SLC12A3: variants seen among roughly 807,000 people sequenced by gnomAD.
SLC12A3 encodes solute carrier family 12 member 3, also known as Na-Cl cotransporter.
In SLC12A3, 104 loss-of-function variants were observed where a neutral mutation model predicts 121.0. That is an observed-to-expected ratio of 0.86 (90% confidence interval 0.73 to 1.01). The LOEUF is 1.01. SLC12A3 is among the 50% of genes least tolerant of loss of function. The pLI, the probability that SLC12A3 is intolerant of heterozygous loss-of-function variation, is 0.00. For missense variants in SLC12A3, 1,328 were observed against 1,356.3 expected, an observed-to-expected ratio of 0.98 and a Z score of 0.33; for synonymous variants, 536 against 533.4, an observed-to-expected ratio of 1.00 and a Z score of -0.07.
At chr16:56,894,300 C>T (rs555524653) in intron 21 of SLC12A3, among the ~76,000 whole-genome samples, 36 of 152,118 alleles carry the variant, frequency 2.4e-4, no homozygotes, top group Non-Finnish European at 4.4e-4. Context: ...CCATGGCGCC[C>T]GGCCGCCAGC....
At chr16:56,902,346 G>A (rs772292813) in intron 23 of SLC12A3, 27 bp from the exon 24 acceptor site, 43 of 1,613,822 alleles carry the variant, frequency 2.7e-5, no homozygotes, top group East Asian at 8.9e-5. Context: ...CGTCTCAGCC[G>A]GCCTCAACCC....
chr16:56,881,125 T>A (rs2055234535), intron 12 of SLC12A3, among the ~76,000 whole-genome samples: 1 of 152,214 alleles, frequency 6.6e-6, no homozygotes, highest in African/African-American at 2.4e-5. Context: ...CTGCTCCCTA[T>A]GCAGGAGTGG....
chr16:56,901,343 C>T (rs927764345), intron 23 of SLC12A3, among the ~76,000 whole-genome samples: 14 of 80,618 alleles, frequency 1.7e-4, no homozygotes, highest in African/African-American at 1.3e-3. Context: ...ACATCTCTCT[C>T]TCTCTTTTTT....
intron 24 of SLC12A3, among the ~76,000 whole-genome samples, chr16:56,903,175 G>A (rs925550513): frequency 1.3e-5 from 2 of 151,784 alleles, no homozygotes; most frequent in East Asian, 3.9e-4. Context: ...ATTGTCCTGT[G>A]GGCCAACACG....
chr16:56,887,476 G>A (rs934601164), intron 17 of SLC12A3, among the ~76,000 whole-genome samples: 14 of 151,696 alleles, frequency 9.2e-5, no homozygotes, highest in Admixed American at 9.2e-4. Context: ...CAGAGTGCTC[G>A]GTTTACAGGC....
At chr16:56,881,508 T>G (rs1328989988) in intron 12 of SLC12A3, among the ~76,000 whole-genome samples, 1 of 152,164 alleles carries the variant, frequency 6.6e-6, no homozygotes, top group Admixed American at 6.5e-5. Context: ...GGCAGGGTTC[T>G]TAGGTGATTA....
At chr16:56,873,634 C>T (rs1185804130) in intron 8 of SLC12A3, among the ~76,000 whole-genome samples, 7 of 151,052 alleles carry the variant, frequency 4.6e-5, no homozygotes, top group African/African-American at 9.7e-5. Flanking sequence ...GTGATCCATT[C>T]GCCTGGGCCT....
chr16:56,895,860 G>A (rs1416475215), intron 22 of SLC12A3, among the ~76,000 whole-genome samples: 2 of 152,086 alleles, frequency 1.3e-5, no homozygotes, highest in Admixed American at 6.6e-5. Flanking sequence ...GGTTCCATTT[G>A]GGAGTGATGG....
At chr16:56,903,350 C>T (rs11648751) in intron 24 of SLC12A3, among the ~76,000 whole-genome samples, 20,216 of 152,072 alleles carry the variant, frequency 0.13, 1,467 homozygotes, top group African/African-American at 0.17. Context: ...TCTAGGAGTG[C>T]GAGCGAGAGC....
intron 25 of SLC12A3, among the ~76,000 whole-genome samples, chr16:56,912,073 C>T (rs2055693478): frequency 6.6e-6 from 1 of 152,282 alleles, no homozygotes; most frequent in Admixed American, 6.5e-5. Context: ...GCATCCTCCT[C>T]CCGCCCCAGT....
At chr16:56,869,597 G>A (rs766978235) in intron 3 of SLC12A3, 132 bp from the exon 4 acceptor site, 33 of 766,698 alleles carry the variant, frequency 4.3e-5, no homozygotes, top group Admixed American at 1.8e-4. Context: ...AAGTGACAGA[G>A]ACCCATTTTT....
rs1379938453 is a variant in SLC12A3, at chr16:56,914,597, G to A, written c.*1192G>A. 2 of 152,204 alleles carry A rather than the reference G, an allele frequency of 1.3e-5. No homozygotes were observed. The highest frequency in any genetic ancestry group is 2.9e-5 in the Non-Finnish European group (2 of 68,044). 9.4% of individuals were successfully genotyped at this position (152,204 alleles called of 1,614,324 possible). On this transcript the variant is annotated 3_prime_UTR_variant, in exon 26 of 26. Coordinates refer to ENST00000563236, the MANE Select transcript of SLC12A3 (RefSeq NM_001126108.2). ...TCTGGCTGAGCTGGGGAAAGGCCAC[G>A]GCTGGGTGTCATTGCCATTTTCCCA...
chr16:56,913,385 C>T lies in SLC12A3; in HGVS notation c.3046C>T (p.Leu1016Phe). The T allele has an allele frequency of 6.2e-7, 1 of 1,614,188 alleles. No homozygotes were observed. Among genetic ancestry groups the T allele is most frequent in the Non-Finnish European group, 8.5e-7 (1 of 1,180,000 alleles). The change falls in exon 26 of 26, where the codon CTC becomes TTC. Residue 1016 changes from leucine (L) to phenylalanine (F), a missense_variant. Leu to Phe is a conservative substitution (Grantham distance 22, BLOSUM62 0). Coordinates refer to ENST00000563236, the MANE Select transcript of SLC12A3 (RefSeq NM_001126108.2). ...GATCCGAGGAAACCAGGAAAACGTGCTCACCTTTTACTGCCAGTAACTCCA... is the reference window on the plus strand; with the variant it reads ...GATCCGAGGAAACCAGGAAAACGTGTTCACCTTTTACTGCCAGTAACTCCA... Reference protein sequence around the residue: ...ILIRGNQENVLTFYCQ With the variant: ...ILIRGNQENVFTFYCQ
chr16:56,869,977 C>A lies in SLC12A3; in HGVS notation c.602-119C>A, dbSNP rs1343053521. On this transcript the variant is annotated intron_variant, in intron 4 of 25. Coordinates refer to ENST00000563236, the MANE Select transcript of SLC12A3 (RefSeq NM_001126108.2). ...CAGGCTGTCTACACCACGAGATGGC[C>A]TCAGCTATCTCCTGCCCCGTGGGTC... The A allele has an allele frequency of 2.1e-6, 3 of 1,409,916 alleles. No individual in the cohort carries two copies. The South Asian group carries it at 3.4e-5, about 16-fold the overall frequency. The allele number at this position is 1,409,916 out of a possible 1,614,324, so 87.3% of individuals were successfully genotyped here.
intron 2 of SLC12A3, among the ~76,000 whole-genome samples, 159 bp downstream of exon 2, chr16:56,867,375 AAGCCTGC>A (rs1484125615): frequency 6.6e-6 from 1 of 152,174 alleles, no homozygotes; most frequent in African/African-American, 2.4e-5. Context: ...CAATAGATTA[AAGCCTGC>A]CGGGGAGTAA....
chr16:56,906,729 G>A, intron 25 of SLC12A3: 1 of 637,484 alleles, frequency 1.6e-6, no homozygotes, highest in Non-Finnish European at 2.6e-6. Flanking sequence ...TAATTTTGGT[G>A]GTGGCAAGAC....
Position 56,878,090 on chromosome 16 carries a change from C to A in SLC12A3, c.1109C>A (p.Ala370Asp). 6.5e-7 allele frequency: 1 copy of A among 1,527,366 alleles called. No individual in the cohort carries two copies. The highest frequency in any genetic ancestry group is 1.4e-5 in the African/African-American group (1 of 72,376). The allele number at this position is 1,527,366 out of a possible 1,614,324, so 94.6% of individuals were successfully genotyped here. A position where few individuals can be genotyped will look rare whatever the true frequency, so the allele number is the denominator to read the frequency against. Residue 370 changes from alanine (A) to aspartate (D), a missense_variant, in exon 9 of 26, where the codon GCC (alanine) becomes GAC (aspartate). Physicochemically the swap from Ala to Asp is moderately radical, Grantham distance 126. Transcript: ENST00000563236. ...TCCCTCCTTCAGGACCCTGCTATAG[C>A]CATCCCCAAGGGGACCCTCATGGCC... ...ISGDLKDPAI[A>D]IPKGTLMAIF...
intron 13 of SLC12A3, 116 bp downstream of exon 13, chr16:56,882,613 A>G (rs2055256808): frequency 1.2e-5 from 9 of 776,198 alleles, no homozygotes; most frequent in South Asian, 1.1e-4. Context: ...TCACCTCTCA[A>G]TTTAAAACCA....
chr16:56,901,034 C>T (rs910529917), intron 23 of SLC12A3, among the ~76,000 whole-genome samples: 2 of 151,444 alleles, frequency 1.3e-5, no homozygotes, highest in African/African-American at 2.4e-5. Flanking sequence ...GTGACCTCCA[C>T]GTTGCCACAC....
Sources: allele counts gnomAD v4.1 joint callset (sites outside exome capture counted in the v4.1 genomes callset), GRCh38; gene constraint gnomAD v4.1.1; transcripts MANE v1.5; gene names NCBI Gene and HGNC (gene_info 2026-07-23, HGNC 2026-07-21).